EIF2S2: variants seen among roughly 807,000 people sequenced by gnomAD.
EIF2S2 encodes the protein eukaryotic translation initiation factor 2 subunit 2.
Under a neutral mutation model 44.0 loss-of-function variants are expected in EIF2S2, and 4 were observed. The ratio of observed to expected loss-of-function variants is 0.09; its 90% CI spans 0.04 to 0.21. The LOEUF is 0.21. Among genes scored for constraint, EIF2S2 ranks in the 10% least tolerant of loss-of-function variants. The pLI is 1.00. For missense variants in EIF2S2, 154 were observed against 392.0 expected, an observed-to-expected ratio of 0.39 and a Z score of 5.13; for synonymous variants, 108 against 128.3, an observed-to-expected ratio of 0.84 and a Z score of 1.07.
rs2034155087 is a variant in EIF2S2, at chr20:34,090,914, A to G, written c.741-312T>C. Among the ~76,000 whole-genome samples the G allele has an allele frequency of 5.3e-5, 8 of 151,400 alleles. No individual in the cohort carries two copies. In the South Asian group the frequency reaches 1.7e-3, roughly 32 times the overall value. ...CAGGCACTCCCCACTGTGCCCTGCT[A>G]ATTTTTTTTTTTTGGTAGAGATGGA... On this transcript the variant is annotated intron_variant, in intron 7 of 8. Coordinates refer to ENST00000374980, the MANE Select transcript of EIF2S2 (RefSeq NM_003908.5).
chr20:34,092,445 C>T (rs1275466902), intron 7 of EIF2S2, among the ~76,000 whole-genome samples: 2 of 152,150 alleles, frequency 1.3e-5, no homozygotes, highest in African/African-American at 2.4e-5. Flanking sequence ...CCAAGGCAGG[C>T]GGATCACAAG....
At position 34,105,263 on chromosome 20, in the gene EIF2S2, G is replaced by A. The variant is rs982371094; in HGVS notation, c.193+105C>T. ...ACTACTGATGGCCTTGACTTCACTGGAACAGCCTTGTCAGGCTGAGAGGTC... is the reference window on the plus strand; with the variant it reads ...ACTACTGATGGCCTTGACTTCACTGAAACAGCCTTGTCAGGCTGAGAGGTC... On this transcript the variant is annotated intron_variant, in intron 2 of 8. Transcript: ENST00000374980. The A allele has an allele frequency of 1.0e-5, 13 of 1,247,024 alleles. No individual in the cohort carries two copies. The African/African-American group carries it at 1.7e-4, about 16-fold the overall frequency. 77.2% of individuals were successfully genotyped at this position (1,247,024 alleles called of 1,614,324 possible).
At chr20:34,097,305 C>T in intron 5 of EIF2S2, 111 bp downstream of exon 5, 1 of 906,266 alleles carries the variant, frequency 1.1e-6, no homozygotes. Flanking sequence ...CTCTCTGCAT[C>T]TGTTCCACCA....
rs763765902 is a variant in EIF2S2, at chr20:34,088,960, A to G, written c.*770T>C. ...GAGGAGTTTCCTGAACCGCACACACATCGCTTCCTCACCAAGAGAGATGCT... is the reference window on the plus strand; with the variant it reads ...GAGGAGTTTCCTGAACCGCACACACGTCGCTTCCTCACCAAGAGAGATGCT... On this transcript the variant is annotated 3_prime_UTR_variant, in exon 9 of 9. Coordinates refer to ENST00000374980, the MANE Select transcript of EIF2S2 (RefSeq NM_003908.5). The G allele has an allele frequency of 1.3e-5, 2 of 152,628 alleles. No individual in the cohort carries two copies. Among genetic ancestry groups the G allele is most frequent in the Middle Eastern group, 3.4e-3 (1 of 294 alleles). The allele number at this position is 152,628 out of a possible 1,614,324, so 9.5% of individuals were successfully genotyped here.
At chr20:34,097,018 AAATG>A (rs959594662) in intron 5 of EIF2S2, among the ~76,000 whole-genome samples, 2 of 152,228 alleles carry the variant, frequency 1.3e-5, no homozygotes, top group African/African-American at 4.8e-5. Context: ...GTCCAAAGTG[AAATG>A]AATGAACAAC....
In EIF2S2 at chr20:34,096,818, A is replaced by G; in HGVS notation, c.535-13T>C. 2 of 1,601,578 alleles carry G rather than the reference A, an allele frequency of 1.2e-6. No homozygotes were observed. The highest frequency in any genetic ancestry group is 1.7e-6 in the Non-Finnish European group (2 of 1,176,176). Reference sequence around the variant, plus strand: ...CTCGATTCAGCAGCTATAAAAATAAAGTGGTATTCATGAATACGCTTAGTA... The same window carrying G: ...CTCGATTCAGCAGCTATAAAAATAAGGTGGTATTCATGAATACGCTTAGTA... On this transcript the variant is annotated splice_polypyrimidine_tract_variant and intron_variant, in intron 5 of 8. Transcript: ENST00000374980.
chr20:34,109,135 T>C (rs1568720457), intron 1 of EIF2S2, among the ~76,000 whole-genome samples: 1 of 152,128 alleles, frequency 6.6e-6, no homozygotes, highest in Non-Finnish European at 1.5e-5. Flanking sequence ...TTGTGTTTCA[T>C]TAACTTCACA....
At position 34,105,596 on chromosome 20, in the gene EIF2S2, T is replaced by C. The variant is rs750939455; in HGVS notation, c.16-51A>G. Reference sequence around the variant, plus strand: ...GGGACCAAATGATTGTTTTTAATGATGCTCACATTCCAAATATGCTTTATC... The same window carrying C: ...GGGACCAAATGATTGTTTTTAATGACGCTCACATTCCAAATATGCTTTATC... On this transcript the variant is annotated intron_variant, in intron 1 of 8. Transcript: ENST00000374980. 1.4e-5 allele frequency: 21 copies of C among 1,456,590 alleles called. 1 individual carries two copies. The South Asian group carries it at 1.6e-4, about 11-fold the overall frequency. 90.2% of individuals were successfully genotyped at this position (1,456,590 alleles called of 1,614,324 possible).
intron 5 of EIF2S2, among the ~76,000 whole-genome samples, 169 bp downstream of exon 5, chr20:34,097,247 C>G (rs778461090): frequency 5.3e-5 from 8 of 152,238 alleles, no homozygotes; most frequent in Non-Finnish European, 7.3e-5. Flanking sequence ...TCTGGGCAGG[C>G]TGCCCCACGG....
intron 1 of EIF2S2, among the ~76,000 whole-genome samples, chr20:34,106,933 G>C (rs1177383268): frequency 6.6e-6 from 1 of 152,184 alleles, no homozygotes; most frequent in Non-Finnish European, 1.5e-5. Flanking sequence ...TGTAATCCCA[G>C]TACTTTGGGA....
In EIF2S2 at chr20:34,112,111, G is replaced by T; in HGVS notation, c.-1C>A. On this transcript the variant is annotated 5_prime_UTR_variant, in exon 1 of 9. Transcript: ENST00000374980. ...AGATCCTCACCTCGTCCCCAGACAT[G>T]GCTGCGGCTCGAGTGGGCTCGGCAC... 6.4e-7 allele frequency: 1 copy of T among 1,564,324 alleles called. No homozygotes were observed. The highest frequency in any genetic ancestry group is 8.7e-7 in the Non-Finnish European group (1 of 1,153,338).
At chr20:34,090,676 C>T (rs896854751) in intron 7 of EIF2S2, 74 bp from the exon 8 acceptor site, 61 of 808,238 alleles carry the variant, frequency 7.5e-5, no homozygotes, top group Admixed American at 5.8e-5. Flanking sequence ...CACCTTTAAA[C>T]TTAATGAACT....
chr20:34,097,724 A>T (rs926617581), intron 4 of EIF2S2, among the ~76,000 whole-genome samples: 7 of 152,224 alleles, frequency 4.6e-5, no homozygotes, highest in Admixed American at 6.5e-5. Context: ...GGCCCTTAAT[A>T]GAGACCTCTC....
intron 6 of EIF2S2, among the ~76,000 whole-genome samples, chr20:34,094,515 G>A (rs1029748661): frequency 1.3e-5 from 2 of 151,978 alleles, no homozygotes; most frequent in Admixed American, 6.6e-5. Context: ...TTATCAAACA[G>A]GCTAATAAAT....
intron 6 of EIF2S2, among the ~76,000 whole-genome samples, chr20:34,095,921 G>A (rs1285127798): frequency 6.6e-6 from 1 of 152,136 alleles, no homozygotes; most frequent in African/African-American, 2.4e-5. Context: ...TGCAGCTGAG[G>A]AGCTCAGAGA....
chr20:34,094,381 T>C (rs1171394545), intron 6 of EIF2S2, among the ~76,000 whole-genome samples: 1 of 152,218 alleles, frequency 6.6e-6, no homozygotes, highest in Non-Finnish European at 1.5e-5. Context: ...AACCACCTTT[T>C]TCTTTTGTTT....
At chr20:34,103,430 A>C in intron 3 of EIF2S2, 32 bp downstream of exon 3, 1 of 1,519,950 alleles carries the variant, frequency 6.6e-7, no homozygotes, top group Non-Finnish European at 8.9e-7. Flanking sequence ...GCAAGAGGTC[A>C]AATTTTACCT....
intron 2 of EIF2S2, among the ~76,000 whole-genome samples, chr20:34,104,876 T>C (rs1568718229): frequency 6.6e-6 from 1 of 152,228 alleles, no homozygotes; most frequent in Non-Finnish European, 1.5e-5. Context: ...CAGTGTTATA[T>C]TCAACAGACA....
chr20:34,111,693 G>T (rs2034414484), intron 1 of EIF2S2, among the ~76,000 whole-genome samples: 1 of 152,266 alleles, frequency 6.6e-6, no homozygotes, highest in South Asian at 2.1e-4. Context: ...GCCAAGAGAG[G>T]CTCCTCGCGG....
Sources: gnomAD v4.1 joint callset for allele counts (sites outside exome capture counted in the v4.1 genomes callset) on GRCh38, gnomAD v4.1.1 for gene constraint, MANE v1.5 for transcripts, NCBI Gene and HGNC (gene_info 2026-07-23, HGNC 2026-07-21) for gene names.